TBC1D19: variants seen among roughly 807,000 people sequenced by gnomAD.
TBC1D19 encodes the protein TBC1 domain family, member 19.
Under a neutral mutation model 89.0 loss-of-function variants are expected in TBC1D19, and 60 were observed. The ratio of observed to expected loss-of-function variants is 0.67; its 90% confidence interval spans 0.55 to 0.84. TBC1D19 has a LOEUF of 0.84. Ranked by LOEUF, TBC1D19 falls within the 40% of genes least tolerant of loss-of-function variation. The pLI, the probability that TBC1D19 is intolerant of heterozygous loss-of-function variation, is 0.00. For missense variants in TBC1D19, 500 were observed against 610.8 expected, an observed-to-expected ratio of 0.82 and a Z score of 1.91; for synonymous variants, 189 against 199.7, an observed-to-expected ratio of 0.95 and a Z score of 0.45.
chr4:26,791,412 C>T, the TBC1D19 span, among the ~76,000 whole-genome samples: 1 of 152,188 alleles, frequency 6.6e-6, no homozygotes, highest in Non-Finnish European at 1.5e-5. Flanking sequence ...GCCTTGAGGA[C>T]CAGCTGGCTT....
the TBC1D19 span, among the ~76,000 whole-genome samples, chr4:26,840,495 C>T: frequency 6.6e-6 from 1 of 152,146 alleles, no homozygotes; most frequent in African/African-American, 2.4e-5. Context: ...GTTCTCTTGC[C>T]CTCTGGGCCT....
chr4:26,823,721 T>G, the TBC1D19 span, among the ~76,000 whole-genome samples: 11 of 152,346 alleles, frequency 7.2e-5, no homozygotes, highest in South Asian at 2.1e-4. Context: ...CTTTGCTGCT[T>G]AAGCTTGTTC....
intron 1 of TBC1D19, among the ~76,000 whole-genome samples, chr4:26,598,378 G>A (rs1740365213): frequency 1.3e-5 from 2 of 150,054 alleles, no homozygotes; most frequent in African/African-American, 4.8e-5. Context: ...CACTATGTAT[G>A]ATAAATGACT....
At chr4:26,753,697 T>C in intron 19 of TBC1D19, 123 bp from the exon 20 acceptor site, 1 of 894,070 alleles carries the variant, frequency 1.1e-6, no homozygotes, top group Admixed American at 2.1e-5. Context: ...TGCGGGGGTG[T>C]GGTCCGTTGT....
chr4:26,749,677 C>A (rs901744367), intron 19 of TBC1D19, among the ~76,000 whole-genome samples: 22 of 152,154 alleles, frequency 1.4e-4, no homozygotes, highest in Non-Finnish European at 2.9e-5. Flanking sequence ...AAACTCCTGA[C>A]CTCAAGTGAT....
At chr4:26,782,355 G>A in the TBC1D19 span, among the ~76,000 whole-genome samples, 4 of 152,158 alleles carry the variant, frequency 2.6e-5, no homozygotes, top group East Asian at 7.7e-4. Flanking sequence ...ATCGCAGTTA[G>A]AGTGTGGGGC....
intron 9 of TBC1D19, among the ~76,000 whole-genome samples, chr4:26,670,873 GTGT>G (rs765407827): frequency 1.5e-4 from 22 of 150,800 alleles, no homozygotes; most frequent in South Asian, 4.2e-4. Context: ...AATATTCAAG[GTGT>G]TGTAGAGAAT....
At chr4:26,834,690 G>A in the TBC1D19 span, among the ~76,000 whole-genome samples, 104,443 of 151,956 alleles carry the variant, frequency 0.69, 36,143 homozygotes, top group African/African-American at 0.75. Flanking sequence ...CTGGCTACTC[G>A]TTTTCATTCT....
chr4:26,743,169 T>A (rs960700624), intron 18 of TBC1D19, among the ~76,000 whole-genome samples: 3 of 152,016 alleles, frequency 2.0e-5, no homozygotes, highest in African/African-American at 7.2e-5. Flanking sequence ...ATCTCTCTCT[T>A]TTAAAAAAAA....
chr4:26,701,001 T>A (rs1715279434), intron 13 of TBC1D19, among the ~76,000 whole-genome samples: 1 of 152,148 alleles, frequency 6.6e-6, no homozygotes, highest in African/African-American at 2.4e-5. Flanking sequence ...CCTCTCCGGG[T>A]GGATTGTTCA....
the TBC1D19 span, among the ~76,000 whole-genome samples, chr4:26,817,975 A>ACATATATATATATATATATATATATAT: frequency 2.9e-5 from 3 of 105,202 alleles, no homozygotes; most frequent in African/African-American, 9.4e-5. Flanking sequence ...ATTTAAAAAA[A>ACATATATATATATATATATATATATAT]AAAAAAATAT....
At chr4:26,608,862 A>G (rs557167238) in intron 1 of TBC1D19, among the ~76,000 whole-genome samples, 2 of 151,772 alleles carry the variant, frequency 1.3e-5, no homozygotes, top group South Asian at 2.1e-4. Context: ...TCATGCTGCT[A>G]TAAAGACACA....
At chr4:26,777,861 G>T in the TBC1D19 span, among the ~76,000 whole-genome samples, 1 of 151,690 alleles carries the variant, frequency 6.6e-6, no homozygotes, top group African/African-American at 2.4e-5. Flanking sequence ...TGTGAGGATT[G>T]TTGGAGCCCA....
chr4:26,721,822 C>T (rs189454730), intron 15 of TBC1D19, among the ~76,000 whole-genome samples: 42 of 152,250 alleles, frequency 2.8e-4, no homozygotes, highest in Admixed American at 1.8e-3. Context: ...CATACTCTCA[C>T]GAAAGCACTA....
chr4:26,694,482 C>T (rs144472660), intron 13 of TBC1D19, among the ~76,000 whole-genome samples: 2,355 of 152,254 alleles, frequency 0.015, 54 homozygotes, highest in African/African-American at 0.051. Context: ...CGGGCATAGC[C>T]GAACAAAAGG....
At chr4:26,620,745 C>CAA in intron 4 of TBC1D19, 57 bp downstream of exon 4, 1 of 1,480,464 alleles carries the variant, frequency 6.8e-7, no homozygotes, top group East Asian at 2.3e-5. Context: ...TAATACAGAG[C>CAA]AAAAGATCAT....
chr4:26,732,904 T>TGTCAATGG (rs1221527050), intron 15 of TBC1D19, among the ~76,000 whole-genome samples: 1 of 152,220 alleles, frequency 6.6e-6, no homozygotes, highest in Non-Finnish European at 1.5e-5. Flanking sequence ...AAGGAGTTCA[T>TGTCAATGG]GTCAATGGCA....
the TBC1D19 span, among the ~76,000 whole-genome samples, chr4:26,771,445 A>G: frequency 6.6e-6 from 1 of 152,186 alleles, no homozygotes; most frequent in African/African-American, 2.4e-5. Context: ...AAATGAGTGA[A>G]TAAAGAAAGG....
chr4:26,694,836 A>T (rs1419941818), intron 13 of TBC1D19, among the ~76,000 whole-genome samples: 1 of 152,236 alleles, frequency 6.6e-6, no homozygotes, highest in Non-Finnish European at 1.5e-5. Flanking sequence ...GAGGGTCCTG[A>T]CTGTTAGAAG....
Sources: allele counts gnomAD v4.1 joint callset (sites outside exome capture counted in the v4.1 genomes callset), GRCh38; gene constraint gnomAD v4.1.1; transcripts MANE v1.5; gene names NCBI Gene and HGNC (gene_info 2026-07-23, HGNC 2026-07-21).